FANCA: variants seen among roughly 807,000 people sequenced by gnomAD.
FANCA encodes FA complementation group A.
A neutral mutation model predicts 194.3 loss-of-function variants in FANCA; 236 were observed. The observed-to-expected ratio is 1.21, with a 90% CI of 1.09 to 1.35. The LOEUF (loss-of-function observed/expected upper bound fraction) is 1.35, where lower values mean the gene tolerates loss of function less well. Among genes scored for constraint, FANCA ranks in the 40% most tolerant of loss-of-function variants. The pLI, the probability that FANCA is intolerant of heterozygous loss-of-function variation, is 0.00. For missense variants in FANCA, 2,628 were observed against 1,813.9 expected, an observed-to-expected ratio of 1.45 and a Z score of -8.15; for synonymous variants, 1,014 against 715.8, an observed-to-expected ratio of 1.42 and a Z score of -6.65.
rs752375947 is a variant in FANCA, at chr16:89,778,758, G to T, written c.1826+43C>A. The stretch of plus-strand genomic sequence containing the variant: ...TCCACAATTCTTCGCATTGTCAGAA[G>T]AAACCTGGAAGTAGTCATCCCCTTC... On this transcript the variant is annotated intron_variant, in intron 20 of 42. Transcript: ENST00000389301. 3 of 1,575,922 alleles carry T rather than the reference G, an allele frequency of 1.9e-6. No homozygotes were observed. In the Admixed American group the frequency reaches 5.1e-5, roughly 27 times the overall value.
intron 28 of FANCA, among the ~76,000 whole-genome samples, chr16:89,762,418 A>AT (rs2038981352): frequency 6.6e-6 from 1 of 151,716 alleles, no homozygotes; most frequent in South Asian, 2.1e-4. Flanking sequence ...ACATGGTGAC[A>AT]CCCCGTCTCT....
At chr16:89,774,662 G>A (rs1477067656) in intron 21 of FANCA, among the ~76,000 whole-genome samples, 5 of 144,506 alleles carry the variant, frequency 3.5e-5, no homozygotes, top group South Asian at 2.2e-4. Flanking sequence ...CCTGGGAGGC[G>A]GAGCTTACAG....
intron 5 of FANCA, among the ~76,000 whole-genome samples, chr16:89,808,910 A>G (rs1210962421): frequency 1.4e-5 from 2 of 140,608 alleles, no homozygotes; most frequent in Admixed American, 7.1e-5. Flanking sequence ...CTCACACTCT[A>G]TTTTTTTTTT....
intron 11 of FANCA, among the ~76,000 whole-genome samples, chr16:89,795,624 T>C (rs2040218759): frequency 6.6e-6 from 1 of 152,164 alleles, no homozygotes; most frequent in African/African-American, 2.4e-5. Context: ...GGCAAGTGAG[T>C]GAGACTCTGA....
intron 5 of FANCA, among the ~76,000 whole-genome samples, chr16:89,809,162 T>A (rs975154975): frequency 1.3e-5 from 2 of 151,800 alleles, no homozygotes; most frequent in Non-Finnish European, 1.5e-5. Context: ...TGCCTCGGCC[T>A]CCCAAAGTGC....
At position 89,738,315 on chromosome 16, in the gene FANCA, G is replaced by C; in HGVS notation, c.*286C>G. 6.6e-7 allele frequency: 1 copy of C among 1,521,744 alleles called. No homozygotes were observed. Among genetic ancestry groups the C allele is most frequent in the South Asian group, 1.2e-5 (1 of 81,434 alleles). 94.3% of individuals were successfully genotyped at this position (1,521,744 alleles called of 1,614,324 possible). On this transcript the variant is annotated 3_prime_UTR_variant, in exon 43 of 43. Transcript: ENST00000389301. ...AGTGGCTGTGTCAGCCTCACCCTTC[G>C]TGTGCACCCGCATGGGAGGGTCGGA...
chr16:89,761,517 T>C (rs568599856), intron 29 of FANCA, among the ~76,000 whole-genome samples: 3 of 143,560 alleles, frequency 2.1e-5, no homozygotes, highest in Admixed American at 1.4e-4. Flanking sequence ...AAAAAAAAAA[T>C]TGAAATTGTG....
At chr16:89,791,193 A>G (rs1285141942) in intron 14 of FANCA, 5 of 644,990 alleles carry the variant, frequency 7.8e-6, no homozygotes, top group Non-Finnish European at 1.4e-5. Context: ...GGCTCCTCGG[A>G]ACATGCAGAG....
At chr16:89,786,383 G>C (rs1020092261) in intron 14 of FANCA, among the ~76,000 whole-genome samples, 1 of 152,066 alleles carries the variant, frequency 6.6e-6, no homozygotes, top group Non-Finnish European at 1.5e-5. Context: ...GGGTTTCATC[G>C]TGTTGGCCAG....
chr16:89,746,544 C>A, intron 35 of FANCA, 40 bp downstream of exon 35: 1 of 1,540,102 alleles, frequency 6.5e-7, no homozygotes, highest in South Asian at 1.1e-5. Flanking sequence ...GTCTCCCACT[C>A]ATCCCCAAAA....
intron 10 of FANCA, among the ~76,000 whole-genome samples, chr16:89,797,693 A>C (rs1045785023): frequency 2.6e-5 from 4 of 152,192 alleles, no homozygotes; most frequent in African/African-American, 9.7e-5. Flanking sequence ...AGCCTGACCA[A>C]TATAGTGAAA....
chr16:89,779,040 G>A (rs1296144900), intron 18 of FANCA, 37 bp from the exon 19 acceptor site: 3 of 1,602,972 alleles, frequency 1.9e-6, no homozygotes, highest in East Asian at 2.2e-5. Flanking sequence ...ATCAGTCAGA[G>A]CAGCGAGAAG....
rs868375914 is a variant in FANCA, at chr16:89,769,985, C to A, written c.2356G>T (p.Ala786Ser). The change falls in exon 26 of 43, where the codon GCC (alanine) becomes TCC (serine). Residue 786 changes from alanine to serine, a missense_variant. Physicochemically the swap from Ala to Ser is moderately conservative, Grantham distance 99. Coordinates refer to ENST00000389301, the MANE Select transcript of FANCA (RefSeq NM_000135.4). ...LSAPHVLGLAALAVHLGESRS... is the reference protein window; with the variant it reads ...LSAPHVLGLASLAVHLGESRS... The stretch of plus-strand genomic sequence containing the variant: ...GACTCACCCAGGTGCACGGCCAGGG[C>A]AGCCAACCCCAGCACATGTGGGGCA... The A allele has an allele frequency of 1.9e-6, 3 of 1,613,896 alleles. No individual in the cohort carries two copies. Among genetic ancestry groups the A allele is most frequent in the African/African-American group, 2.7e-5 (2 of 75,056 alleles).
intron 3 of FANCA, among the ~76,000 whole-genome samples, chr16:89,813,244 G>C (rs1170183081): frequency 6.6e-6 from 1 of 151,610 alleles, no homozygotes; most frequent in Middle Eastern, 3.2e-3. Flanking sequence ...GCAAAACCCT[G>C]TCTCTATGAA....
intron 8 of FANCA, among the ~76,000 whole-genome samples, chr16:89,802,241 C>T (rs2040481715): frequency 6.6e-6 from 1 of 151,758 alleles, no homozygotes; most frequent in Admixed American, 6.6e-5. Context: ...GCTGGGACTA[C>T]AGGCATGTGC....
chr16:89,796,722 G>A (rs2040260226), intron 10 of FANCA, among the ~76,000 whole-genome samples: 1 of 152,130 alleles, frequency 6.6e-6, no homozygotes, highest in African/African-American at 2.4e-5. Flanking sequence ...GATTCCCCAG[G>A]TAAGAAAATC....
intron 21 of FANCA, among the ~76,000 whole-genome samples, chr16:89,774,479 C>T (rs946917689): frequency 3.9e-5 from 6 of 152,016 alleles, no homozygotes; most frequent in African/African-American, 1.2e-4. Flanking sequence ...ACCTGTAATC[C>T]CAGCACTGTG....
rs545986393 is a variant in FANCA at position 89,745,540 on chromosome 16, C to T, written c.3514-469G>A. ...GGACCACACTGCCCTGAGCTGGGAA[C>T]GAAACAGTGAAGGGACCACACTCCT... On this transcript the variant is annotated intron_variant, in intron 35 of 42. Coordinates refer to ENST00000389301, the MANE Select transcript of FANCA (RefSeq NM_000135.4). Among the ~76,000 whole-genome samples, 123 of 117,764 alleles carry T rather than the reference C, an allele frequency of 1.0e-3. 1 individual carries two copies. Among genetic ancestry groups the T allele is most frequent in the Middle Eastern group, 4.0e-3 (1 of 248 alleles). The allele number at this position is 117,764 out of a possible 152,430, so 77.3% of individuals were successfully genotyped here.
intron 18 of FANCA, 41 bp from the exon 19 acceptor site, chr16:89,779,044 C>T (rs374862766): frequency 5.6e-6 from 9 of 1,597,424 alleles, no homozygotes; most frequent in Non-Finnish European, 7.7e-6. Context: ...GTCAGAGCAG[C>T]GAGAAGGCAA....
Sources: allele counts gnomAD v4.1 joint callset (sites outside exome capture counted in the v4.1 genomes callset), GRCh38; gene constraint gnomAD v4.1.1; transcripts MANE v1.5; gene names NCBI Gene and HGNC (gene_info 2026-07-23, HGNC 2026-07-21).